Variants in MFSD1 observed in about 807,000 individuals in gnomAD.
MFSD1 encodes the protein major facilitator superfamily domain containing 1.
A neutral mutation model predicts 67.1 loss-of-function variants in MFSD1; 59 were observed. The observed-to-expected ratio is 0.88, with a 90% CI of 0.71 to 1.09. The LOEUF is 1.09. Among genes scored for constraint, MFSD1 ranks in the 50% least tolerant of loss-of-function variants. The pLI is 0.00. For missense variants in MFSD1, 552 were observed against 566.1 expected, an observed-to-expected ratio of 0.97 and a Z score of 0.25; for synonymous variants, 213 against 200.3, an observed-to-expected ratio of 1.06 and a Z score of -0.54.
chr3:158,813,157 T>A (rs1730126190), intron 6 of MFSD1, among the ~76,000 whole-genome samples: 1 of 151,734 alleles, frequency 6.6e-6, no homozygotes, highest in African/African-American at 2.4e-5. Flanking sequence ...TTCTTCTTTT[T>A]TTTTTTTTGA....
intron 11 of MFSD1, 30 bp downstream of exon 11, chr3:158,822,170 C>G (rs1730716586): frequency 6.3e-7 from 1 of 1,578,432 alleles, no homozygotes; most frequent in Non-Finnish European, 8.7e-7. Flanking sequence ...ATGGTGGGGT[C>G]AGGGCTTCAG....
Position 158,802,311 on chromosome 3 carries a change from CT to C in MFSD1, c.162del (p.Phe54LeufsTer23). The C allele has an allele frequency of 6.2e-7, 1 of 1,608,560 alleles. No individual in the cohort carries two copies. The highest frequency in any genetic ancestry group is 8.5e-7 in the Non-Finnish European group (1 of 1,176,632). The part of the protein sequence containing the change: ...LVLLLMCFLG[F>X]GSYFCYDNPA... ...TGCTGTTACTGATGTGCTTCCTTGG[CT>C]TTGGTGAGCCGGCCGGGTGGGTTGG... is the stretch of plus-strand genomic sequence containing the variant. On this transcript the variant is annotated frameshift_variant, in exon 1 of 16. Coordinates refer to ENST00000415822, the MANE Select transcript of MFSD1 (RefSeq NM_022736.4). LOFTEE classifies it high-confidence loss of function.
At chr3:158,819,815 A>G (rs1730581724) in intron 8 of MFSD1, 68 bp downstream of exon 8, 1 of 858,206 alleles carries the variant, frequency 1.2e-6, no homozygotes, top group Non-Finnish European at 1.9e-6. Flanking sequence ...AATGAGATCT[A>G]AGTTCCTAAT....
At chr3:158,810,304 A>T (rs969820580) in intron 6 of MFSD1, among the ~76,000 whole-genome samples, 11 of 152,190 alleles carry the variant, frequency 7.2e-5, no homozygotes, top group Non-Finnish European at 5.9e-5. Flanking sequence ...CCATGAATAG[A>T]GTATTAAAAA....
intron 15 of MFSD1, among the ~76,000 whole-genome samples, chr3:158,827,911 AGG>A (rs1359384605): frequency 8.8e-5 from 8 of 90,464 alleles, no homozygotes; most frequent in East Asian, 4.2e-4. Context: ...AGAGAGAGAG[AGG>A]GGGAGAGAGA....
rs144756718 is a variant in MFSD1 at position 158,811,419 on chromosome 3, G to A, written c.549+2132G>A. 2.0e-3 allele frequency among the ~76,000 whole-genome samples: 311 copies of A among 152,222 alleles called. 2 individuals are homozygous for A. Among genetic ancestry groups the A allele is most frequent in the African/African-American group, 7.1e-3 (293 of 41,528 alleles). ...GTGTAGAATTCAGGGGAAAAATCTG[G>A]GCAAGTGATGTAAGTTCAGGAGCAA... On this transcript the variant is annotated intron_variant, in intron 6 of 15. Coordinates refer to ENST00000415822, the MANE Select transcript of MFSD1 (RefSeq NM_022736.4).
chr3:158,826,222 T>C (rs190185435), intron 14 of MFSD1, among the ~76,000 whole-genome samples, 160 bp downstream of exon 14: 116 of 152,314 alleles, frequency 7.6e-4, no homozygotes, highest in Non-Finnish European at 1.4e-3. Context: ...ATAATTATGT[T>C]TTCTGGGCCT....
chr3:158,827,319 TA>T lies in MFSD1; in HGVS notation c.1380del (p.Lys460AsnfsTer11). ...LNYSARQREE[I>X]KFSHTE ...TATTCTGCAAGACAAAGGGAAGAAA[TA>T]AAATTTTCCCATACTGAGTAAGTAT... On this transcript the variant is annotated frameshift_variant, in exon 15 of 16. Transcript: ENST00000415822. LOFTEE classifies it high-confidence loss of function. 2 of 1,550,830 alleles carry T rather than the reference TA, an allele frequency of 1.3e-6. No individual in the cohort carries two copies. The highest frequency in any genetic ancestry group is 1.7e-6 in the Non-Finnish European group (2 of 1,151,768).
At chr3:158,803,004 C>T (rs1233443098) in intron 1 of MFSD1, among the ~76,000 whole-genome samples, 1 of 152,162 alleles carries the variant, frequency 6.6e-6, no homozygotes, top group Non-Finnish European at 1.5e-5. Context: ...TTGCTGATAG[C>T]TTCAGTGAAT....
chr3:158,824,097 T>C, intron 12 of MFSD1, 27 bp from the exon 13 acceptor site: 6 of 1,515,932 alleles, frequency 4.0e-6, no homozygotes, highest in Non-Finnish European at 5.5e-6. Context: ...GAAAATGAAA[T>C]GTGTCTTTAT....
intron 11 of MFSD1, 48 bp from the exon 12 acceptor site, chr3:158,823,380 C>A: frequency 7.8e-7 from 1 of 1,288,926 alleles, no homozygotes; most frequent in Non-Finnish European, 1.1e-6. Flanking sequence ...GGAAAATCAC[C>A]TTTTGGTTAA....
At position 158,828,645 on chromosome 3, in the gene MFSD1, A is replaced by T. The variant is rs149867757; in HGVS notation, c.1395-334A>T. Among the ~76,000 whole-genome samples the T allele has an allele frequency of 3.2e-3, 485 of 152,282 alleles. 5 individuals carry two copies. Among genetic ancestry groups the T allele is most frequent in the African/African-American group, 0.011 (457 of 41,556 alleles). On this transcript the variant is annotated intron_variant, in intron 15 of 15. Transcript: ENST00000415822. ...AACAAAAGATAAAAATGCAAATATA[A>T]TATCCTAATTTTATTCAAGAAAAAG...
rs1184503365 is a variant in MFSD1 at position 158,802,077 on chromosome 3, A to C, written c.-76A>C. On this transcript the variant is annotated 5_prime_UTR_variant, in exon 1 of 16. Coordinates refer to ENST00000415822, the MANE Select transcript of MFSD1 (RefSeq NM_022736.4). ...GGAGTCATGTGACCGCCGTCTTGAC[A>C]GTGTTCCACGGGCGCTGCTTCCTGC... The C allele has an allele frequency of 1.8e-5, 29 of 1,569,082 alleles. No individual in the cohort carries two copies. Among genetic ancestry groups the C allele is most frequent in the Non-Finnish European group, 2.2e-5 (25 of 1,162,312 alleles).
intron 15 of MFSD1, among the ~76,000 whole-genome samples, chr3:158,828,516 A>T (rs536482954): frequency 5.0e-4 from 76 of 152,258 alleles, no homozygotes; most frequent in South Asian, 1.0e-3. Context: ...AGAGTAGGGA[A>T]AATGGTTAAA....
At chr3:158,807,325 G>A (rs776404600) in intron 4 of MFSD1, 71 bp from the exon 5 acceptor site, 2 of 1,217,682 alleles carry the variant, frequency 1.6e-6, no homozygotes, top group Non-Finnish European at 2.4e-6. Context: ...GATTTATCAT[G>A]TTCCTTTTGC....
At chr3:158,806,589 A>G (rs1729739262) in intron 3 of MFSD1, among the ~76,000 whole-genome samples, 1 of 152,198 alleles carries the variant, frequency 6.6e-6, no homozygotes. Context: ...TTGTCCTTTT[A>G]AAAATTGGTT....
At chr3:158,825,450 G>C (rs1730917950) in intron 13 of MFSD1, 1 of 152,274 alleles carries the variant, frequency 6.6e-6, no homozygotes, top group Admixed American at 6.5e-5. Flanking sequence ...AAGATAATAG[G>C]CCTGCCCTAT....
intron 15 of MFSD1, 129 bp downstream of exon 15, chr3:158,827,466 G>T: frequency 1.9e-6 from 1 of 528,958 alleles, no homozygotes; most frequent in Non-Finnish European, 3.2e-6. Flanking sequence ...CCAGGCTGGA[G>T]TGTAGTGGCA....
rs1329980566 is a variant in MFSD1 at position 158,807,422 on chromosome 3, T to C, written c.399T>C (p.Phe133=). Residue 133 remains phenylalanine (F), a synonymous_variant, in exon 5 of 16, where the codon TTT becomes TTC. Transcript: ENST00000415822. ...GQVVFALGGI[F]NAFWLMEFGR... is the part of the protein sequence containing the mutation. ...TTGTTTTTGCCCTGGGTGGAATATT[T>C]AATGCTTTTTGGCTGATGGAATTTG... 1 of 1,613,248 alleles carries C rather than the reference T, an allele frequency of 6.2e-7. No homozygotes were observed. Among genetic ancestry groups the C allele is most frequent in the South Asian group, 1.1e-5 (1 of 91,048 alleles).
Sources: gnomAD v4.1 joint callset for allele counts (sites outside exome capture counted in the v4.1 genomes callset) on GRCh38, gnomAD v4.1.1 for gene constraint, MANE v1.5 for transcripts, NCBI Gene and HGNC (gene_info 2026-07-23, HGNC 2026-07-21) for gene names.